The following EML6 variants were observed in gnomAD, a reference collection of about 807,000 sequenced individuals.
EML6 encodes EMAP like 6.
Under a neutral mutation model 240.1 loss-of-function variants are expected in EML6, and 154 were observed. The ratio of observed to expected loss-of-function variants is 0.64; its 90% CI spans 0.56 to 0.73. EML6 has a LOEUF of 0.73. Among genes scored for constraint, EML6 ranks in the 30% least tolerant of loss-of-function variants. The probability of loss-of-function intolerance (pLI) is 0.00; values close to 1 mark genes in which losing one functional copy is unlikely to be tolerated. For synonymous variants in EML6, 1,148 were observed against 899.0 expected (o/e 1.28, Z -4.95); for missense variants, 2,964 against 2,474.6 (o/e 1.20, Z -4.20).
intron 13 of EML6, among the ~76,000 whole-genome samples, chr2:54,866,411 C>A (rs1485923344): frequency 6.6e-6 from 1 of 152,082 alleles, no homozygotes; most frequent in African/African-American, 2.4e-5. Flanking sequence ...CTCATGAGGT[C>A]CACATTTTTC....
intron 26 of EML6, among the ~76,000 whole-genome samples, chr2:54,927,977 GAGTTTACA>G (rs1674646271): frequency 1.3e-5 from 2 of 152,214 alleles, no homozygotes; most frequent in Non-Finnish European, 2.9e-5. Flanking sequence ...TCACAGTCAG[GAGTTTACA>G]CTAGAGACCT....
At chr2:54,828,638 A>T (rs1177038062) in intron 6 of EML6, among the ~76,000 whole-genome samples, 2 of 150,726 alleles carry the variant, frequency 1.3e-5, no homozygotes, top group African/African-American at 5.0e-5. Context: ...AACAGCTCTT[A>T]AAATAATAGG....
chr2:54,908,343 G>A (rs961685035), intron 24 of EML6, among the ~76,000 whole-genome samples: 7 of 151,178 alleles, frequency 4.6e-5, no homozygotes, highest in Admixed American at 4.6e-4. Context: ...CCAAGCAGCT[G>A]AGACCACAGG....
chr2:54,948,432 C>A (rs140872802), intron 28 of EML6, among the ~76,000 whole-genome samples: 221 of 152,336 alleles, frequency 1.5e-3, no homozygotes, highest in Admixed American at 3.9e-3. Context: ...AGTGCCACTT[C>A]ACGCCACACC....
chr2:54,780,135 T>C (rs1668788944), intron 2 of EML6, among the ~76,000 whole-genome samples: 1 of 152,146 alleles, frequency 6.6e-6, no homozygotes, highest in Admixed American at 6.5e-5. Context: ...TTTAGCCAAC[T>C]GAGAGGCATT....
In EML6 at chr2:54,827,735, T is replaced by C; in HGVS notation, c.695T>C (p.Ile232Thr). 6.4e-7 allele frequency: 1 copy of C among 1,551,486 alleles called. No individual in the cohort carries two copies. The highest frequency in any genetic ancestry group is 8.7e-7 in the Non-Finnish European group (1 of 1,146,784). Residue 232 changes from isoleucine to threonine, a missense_variant, in exon 6 of 42, where the codon ATT becomes ACT. Coordinates refer to ENST00000356458, the MANE Select transcript of EML6 (RefSeq NM_001039753.4). ...VWKGLNLVRT[I>T]QGAHSAGIFS... ...AAAGGGCTCAATTTAGTCCGCACCA[T>C]TCAAGGAGCACATAGTGTAAGTATT...
At chr2:54,888,004 T>A (rs1357312783) in intron 17 of EML6, among the ~76,000 whole-genome samples, 1 of 152,224 alleles carries the variant, frequency 6.6e-6, no homozygotes, top group African/African-American at 2.4e-5. Flanking sequence ...TGACACATAT[T>A]TTTCATGTAG....
At chr2:54,829,508 C>T in intron 7 of EML6, 31 bp downstream of exon 7, 2 of 1,512,428 alleles carry the variant, frequency 1.3e-6, no homozygotes, top group Non-Finnish European at 1.8e-6. Flanking sequence ...ACCTGTAACT[C>T]TGGATGTGAA....
intron 26 of EML6, among the ~76,000 whole-genome samples, chr2:54,918,721 A>G (rs1237156018): frequency 6.6e-6 from 1 of 152,194 alleles, no homozygotes. Flanking sequence ...ACCCCCCTGT[A>G]CAGTCATTTA....
At chr2:54,927,533 TG>T (rs1553417955) in intron 26 of EML6, among the ~76,000 whole-genome samples, 1 of 152,218 alleles carries the variant, frequency 6.6e-6, no homozygotes, top group Non-Finnish European at 1.5e-5. Context: ...CCGCTGCAGC[TG>T]TTTTTGCCAG....
Position 54,915,857 on chromosome 2 carries a change from G to A in EML6, c.3499-902G>A, listed in dbSNP as rs140640773. 1.7e-3 allele frequency among the ~76,000 whole-genome samples: 260 copies of A among 152,214 alleles called. 7 individuals are homozygous for A. The East Asian group carries it at 0.042, about 24-fold the overall frequency. On this transcript the variant is annotated intron_variant, in intron 25 of 41. Transcript: ENST00000356458. The stretch of plus-strand genomic sequence containing the variant: ...CTTTTACTCCAGTGCTTTCTCTAAA[G>A]AAACTGGAATATTAAGGTATAATAG...
At chr2:54,923,405 A>G (rs1674370212) in intron 26 of EML6, among the ~76,000 whole-genome samples, 1 of 145,842 alleles carries the variant, frequency 6.9e-6, no homozygotes, top group African/African-American at 2.5e-5. Context: ...ACACACACAC[A>G]ATGGTAACTA....
At chr2:54,941,273 C>A (rs1226621133) in intron 28 of EML6, among the ~76,000 whole-genome samples, 1 of 152,096 alleles carries the variant, frequency 6.6e-6, no homozygotes, top group East Asian at 1.9e-4. Flanking sequence ...CATTCAAAAT[C>A]CTCTCTTCTG....
At chr2:54,789,329 C>A (rs947938003) in intron 2 of EML6, among the ~76,000 whole-genome samples, 10 of 151,442 alleles carry the variant, frequency 6.6e-5, no homozygotes, top group African/African-American at 2.2e-4. Flanking sequence ...CTGGCTAACA[C>A]GGTGAAACCC....
chr2:54,839,192 A>G (rs1224075165), intron 7 of EML6, among the ~76,000 whole-genome samples: 1 of 152,228 alleles, frequency 6.6e-6, no homozygotes, highest in African/African-American at 2.4e-5. Context: ...TCTGCCATTC[A>G]CCAAGGTCTC....
intron 25 of EML6, among the ~76,000 whole-genome samples, chr2:54,912,832 C>T (rs1457486436): frequency 6.6e-6 from 1 of 152,170 alleles, no homozygotes; most frequent in Admixed American, 6.5e-5. Flanking sequence ...TGGTTGATTC[C>T]ATAGCTTTGC....
chr2:54,847,978 G>T (rs917167994), intron 9 of EML6, among the ~76,000 whole-genome samples: 1 of 152,194 alleles, frequency 6.6e-6, no homozygotes, highest in African/African-American at 2.4e-5. Context: ...GATACATTGT[G>T]TATGAACCTT....
intron 2 of EML6, among the ~76,000 whole-genome samples, chr2:54,802,752 G>A (rs1204554651): frequency 6.6e-6 from 1 of 151,932 alleles, no homozygotes; most frequent in African/African-American, 2.4e-5. Context: ...TACTATTTGA[G>A]TGCCCACTGT....
At chr2:54,735,110 C>G (rs1683335653) in intron 2 of EML6, among the ~76,000 whole-genome samples, 2 of 152,226 alleles carry the variant, frequency 1.3e-5, no homozygotes, top group South Asian at 4.1e-4. Context: ...TGCAGTCCTT[C>G]ACTTCCTTCA....
Sources: allele counts gnomAD v4.1 joint callset (sites outside exome capture counted in the v4.1 genomes callset), GRCh38; gene constraint gnomAD v4.1.1; transcripts MANE v1.5; gene names NCBI Gene and HGNC (gene_info 2026-07-23, HGNC 2026-07-21).